The following NCAM2 variants were observed in gnomAD, a reference collection of about 807,000 sequenced individuals.
The protein encoded by NCAM2 is neural cell adhesion molecule 2.
NCAM2 carries 30 observed loss-of-function variants against 98.1 expected under a neutral mutation model. The observed-to-expected ratio is 0.31, with a 90% CI of 0.23 to 0.41. The LOEUF (loss-of-function observed/expected upper bound fraction) is 0.41. Among genes scored for constraint, NCAM2 ranks in the 10% least tolerant of loss-of-function variants. The pLI, the probability that NCAM2 is intolerant of heterozygous loss-of-function variation, is 1.00. For missense variants in NCAM2, 867 were observed against 1,005.8 expected (o/e 0.86, Z 1.87); for synonymous variants, 368 against 342.4 (o/e 1.07, Z -0.83).
chr21:21,112,270 G>A (rs779639090), intron 1 of NCAM2, among the ~76,000 whole-genome samples: 4 of 151,902 alleles, frequency 2.6e-5, no homozygotes, highest in Non-Finnish European at 5.9e-5. Flanking sequence ...TTTTCTCTGA[G>A]ACATATTTTG....
chr21:21,069,306 G>A (rs996491799), intron 1 of NCAM2, among the ~76,000 whole-genome samples: 1 of 152,162 alleles, frequency 6.6e-6, no homozygotes, highest in Non-Finnish European at 1.5e-5. Flanking sequence ...CAGAGAGAAT[G>A]TAAATTATAT....
chr21:21,318,637 G>C (rs767254510), intron 5 of NCAM2, among the ~76,000 whole-genome samples: 2 of 152,078 alleles, frequency 1.3e-5, no homozygotes, highest in Non-Finnish European at 2.9e-5. Context: ...TTTCAAAAGA[G>C]CTGATTATAT....
At chr21:21,386,807 T>C (rs1424342221) in intron 9 of NCAM2, among the ~76,000 whole-genome samples, 1 of 152,184 alleles carries the variant, frequency 6.6e-6, no homozygotes, top group African/African-American at 2.4e-5. Context: ...ATCCTTGAGA[T>C]GATAAGCCTT....
chr21:21,166,424 T>C (rs2146813468), intron 1 of NCAM2, among the ~76,000 whole-genome samples: 1 of 151,878 alleles, frequency 6.6e-6, no homozygotes, highest in East Asian at 1.9e-4. Context: ...GTCAAGCTGG[T>C]CTCGAACCCC....
At position 21,079,007 on chromosome 21, in the gene NCAM2, G is replaced by A. The variant is rs928251875; in HGVS notation, c.55+80389G>A. On this transcript the variant is annotated intron_variant, in intron 1 of 17. Transcript: ENST00000400546. ...CAGTGAGACCATATGGAAACAGAGA[G>A]GGGAAGAACACACACCAGGGCCTGT... 4.5e-4 allele frequency among the ~76,000 whole-genome samples: 69 copies of A among 152,038 alleles called. 1 individual carries two copies. Among genetic ancestry groups the A allele is most frequent in the Non-Finnish European group, 8.8e-5 (6 of 68,018 alleles).
chr21:21,405,466 T>C (rs966372255), intron 9 of NCAM2, among the ~76,000 whole-genome samples: 5 of 152,094 alleles, frequency 3.3e-5, no homozygotes, highest in African/African-American at 1.2e-4. Context: ...TGATGTAAAA[T>C]TATACAGTAA....
intron 1 of NCAM2, among the ~76,000 whole-genome samples, chr21:21,125,009 A>G (rs2146583054): frequency 6.6e-6 from 1 of 152,286 alleles, no homozygotes; most frequent in Non-Finnish European, 1.5e-5. Flanking sequence ...AATTAAAAGC[A>G]AAGGTAATAA....
At chr21:21,221,915 C>A (rs557639379) in intron 1 of NCAM2, among the ~76,000 whole-genome samples, 2 of 152,084 alleles carry the variant, frequency 1.3e-5, no homozygotes, top group African/African-American at 4.8e-5. Flanking sequence ...GGCTTCAAAC[C>A]TTCAAAGGAC....
At chr21:21,271,949 T>A (rs1223433943) in intron 1 of NCAM2, among the ~76,000 whole-genome samples, 1 of 152,038 alleles carries the variant, frequency 6.6e-6, no homozygotes, top group Non-Finnish European at 1.5e-5. Flanking sequence ...ATGTAAATGA[T>A]GAGTTAATGG....
At chr21:21,295,555 C>T (rs1472771944) in intron 5 of NCAM2, among the ~76,000 whole-genome samples, 2 of 151,800 alleles carry the variant, frequency 1.3e-5, no homozygotes, top group Non-Finnish European at 2.9e-5. Context: ...AAAATACACA[C>T]CATGACTGAA....
intron 9 of NCAM2, among the ~76,000 whole-genome samples, chr21:21,389,510 T>C (rs1208523176): frequency 6.6e-6 from 1 of 152,202 alleles, no homozygotes; most frequent in Non-Finnish European, 1.5e-5. Context: ...CCTCTTGTGC[T>C]ACCAATCACT....
chr21:21,182,293 G>A (rs2068503614), intron 1 of NCAM2, among the ~76,000 whole-genome samples: 1 of 152,088 alleles, frequency 6.6e-6, no homozygotes, highest in African/African-American at 2.4e-5. Flanking sequence ...AAGAGCAGTT[G>A]GAAATATATA....
rs200987500 is a variant in NCAM2 at position 21,109,949 on chromosome 21, A to G, written c.55+111331A>G. Among the ~76,000 whole-genome samples the G allele has an allele frequency of 3.3e-5, 5 of 152,346 alleles. No individual in the cohort carries two copies. The East Asian group carries it at 7.7e-4, about 24-fold the overall frequency. ...GCTAAATGTTAAATAGCACAGGCTC[A>G]TAATTATTTTCTTAATTCGAGTATG... On this transcript the variant is annotated intron_variant, in intron 1 of 17. Transcript: ENST00000400546.
chr21:21,431,443 G>C (rs1001933782), intron 11 of NCAM2, among the ~76,000 whole-genome samples: 7 of 151,820 alleles, frequency 4.6e-5, no homozygotes, highest in African/African-American at 7.3e-5. Context: ...AATAATTTAA[G>C]TAGTGGATGG....
At chr21:21,407,292 T>C (rs1353915437) in intron 9 of NCAM2, among the ~76,000 whole-genome samples, 1 of 152,236 alleles carries the variant, frequency 6.6e-6, no homozygotes, top group Non-Finnish European at 1.5e-5. Context: ...TCTGTTTTAT[T>C]ATAGACCGGC....
intron 9 of NCAM2, among the ~76,000 whole-genome samples, chr21:21,406,990 G>A (rs769847884): frequency 6.6e-6 from 1 of 151,890 alleles, no homozygotes; most frequent in Non-Finnish European, 1.5e-5. Flanking sequence ...TTTTTCCCCT[G>A]TATGTGTTTC....
At chr21:21,207,342 T>C (rs2069477318) in intron 1 of NCAM2, among the ~76,000 whole-genome samples, 1 of 152,166 alleles carries the variant, frequency 6.6e-6, no homozygotes, top group Admixed American at 6.6e-5. Context: ...TTGGATGTTA[T>C]TATTGCTCTG....
intron 11 of NCAM2, among the ~76,000 whole-genome samples, chr21:21,431,574 T>A (rs985575179): frequency 6.6e-6 from 1 of 152,164 alleles, no homozygotes; most frequent in Non-Finnish European, 1.5e-5. Context: ...TTAGACCTAA[T>A]AGTTTACAGT....
chr21:21,269,245 T>G (rs1382189556), intron 1 of NCAM2, among the ~76,000 whole-genome samples: 1 of 152,126 alleles, frequency 6.6e-6, no homozygotes, highest in Non-Finnish European at 1.5e-5. Context: ...TATAAAGAGC[T>G]CCTGCAACTG....
Sources: gnomAD v4.1 joint callset for allele counts (sites outside exome capture counted in the v4.1 genomes callset) on GRCh38, gnomAD v4.1.1 for gene constraint, MANE v1.5 for transcripts, NCBI Gene and HGNC (gene_info 2026-07-23, HGNC 2026-07-21) for gene names.